Variants in RBMS3 observed in about 807,000 individuals in gnomAD.
RBMS3 encodes RNA binding motif single stranded interacting protein 3.
Under a neutral mutation model 66.8 loss-of-function variants are expected in RBMS3, and 27 were observed. That is an observed-to-expected ratio of 0.40 (90% CI 0.30 to 0.56). The LOEUF (loss-of-function observed/expected upper bound fraction) is 0.56. Ranked by LOEUF, RBMS3 falls within the 20% of genes least tolerant of loss-of-function variation. The probability of loss-of-function intolerance (pLI) is 0.40; values close to 1 mark genes in which losing one functional copy is unlikely to be tolerated. For synonymous variants in RBMS3, 188 were observed against 183.0 expected (o/e 1.03, Z -0.22); for missense variants, 513 against 549.5 (o/e 0.93, Z 0.66).
intron 6 of RBMS3, among the ~76,000 whole-genome samples, chr3:29,818,851 A>G (rs551787231): frequency 3.6e-4 from 55 of 152,272 alleles, no homozygotes; most frequent in African/African-American, 1.3e-3. Context: ...TCAGTAATTC[A>G]ATGAAAGTTA....
intron 4 of RBMS3, among the ~76,000 whole-genome samples, chr3:29,657,384 T>C (rs1424668173): frequency 6.6e-6 from 1 of 152,204 alleles, no homozygotes; most frequent in Non-Finnish European, 1.5e-5. Flanking sequence ...TTAACCTTTC[T>C]GTTTTCTCCA....
At chr3:29,562,730 A>G (rs1232509733) in intron 3 of RBMS3, among the ~76,000 whole-genome samples, 2 of 152,124 alleles carry the variant, frequency 1.3e-5, no homozygotes, top group South Asian at 2.1e-4. Context: ...CCTTCTCCAT[A>G]GATTGCTCCT....
intron 1 of RBMS3, among the ~76,000 whole-genome samples, chr3:29,347,573 A>C (rs537221727): frequency 6.6e-6 from 1 of 152,290 alleles, no homozygotes; most frequent in East Asian, 1.9e-4. Flanking sequence ...GAAGAATGGC[A>C]TTTTGACAAA....
chr3:29,396,420 A>G (rs1018233434), intron 1 of RBMS3, among the ~76,000 whole-genome samples: 8 of 152,200 alleles, frequency 5.3e-5, no homozygotes, highest in African/African-American at 1.7e-4. Context: ...TATTATTATT[A>G]TGGGGTTAAA....
At chr3:29,720,104 C>CTGCTAG (rs148349095) in intron 4 of RBMS3, among the ~76,000 whole-genome samples, 7 of 151,714 alleles carry the variant, frequency 4.6e-5, no homozygotes, top group African/African-American at 1.7e-4. Context: ...ATGCCATTAC[C>CTGCTAG]CGCTAGCTCC....
At chr3:29,690,069 C>T (rs898776343) in intron 4 of RBMS3, among the ~76,000 whole-genome samples, 4 of 149,498 alleles carry the variant, frequency 2.7e-5, no homozygotes, top group African/African-American at 9.8e-5. Context: ...GGAAAGTATA[C>T]ATTTTATTAA....
intron 4 of RBMS3, among the ~76,000 whole-genome samples, chr3:29,601,440 G>A (rs2149117391): frequency 6.6e-6 from 1 of 152,008 alleles, no homozygotes; most frequent in East Asian, 1.9e-4. Context: ...TACTTATAAA[G>A]GTTTGAAACT....
intron 4 of RBMS3, among the ~76,000 whole-genome samples, chr3:29,733,647 G>T (rs944119730): frequency 4.6e-5 from 7 of 151,932 alleles, no homozygotes; most frequent in Admixed American, 6.6e-5. Flanking sequence ...TCATATATCT[G>T]TTGGCCATTA....
At chr3:29,637,779 A>T (rs1316379844) in intron 4 of RBMS3, among the ~76,000 whole-genome samples, 1 of 151,922 alleles carries the variant, frequency 6.6e-6, no homozygotes, top group Non-Finnish European at 1.5e-5. Flanking sequence ...TAGTGCCCAT[A>T]ACAACATGGG....
At chr3:29,862,973 G>T (rs888791698) in intron 6 of RBMS3, among the ~76,000 whole-genome samples, 3 of 152,004 alleles carry the variant, frequency 2.0e-5, no homozygotes, top group African/African-American at 7.2e-5. Flanking sequence ...AAAGAATTTG[G>T]ATTTTATCTT....
chr3:29,745,973 C>A (rs936176215), intron 5 of RBMS3, among the ~76,000 whole-genome samples: 1 of 150,838 alleles, frequency 6.6e-6, no homozygotes, highest in Admixed American at 6.6e-5. Context: ...AATAGCAGGT[C>A]TTTTTTGTGT....
intron 11 of RBMS3, among the ~76,000 whole-genome samples, chr3:29,939,965 C>G (rs2061351382): frequency 6.6e-6 from 1 of 151,820 alleles, no homozygotes; most frequent in Admixed American, 6.6e-5. Flanking sequence ...ACCTGTTCCT[C>G]TTGTGTGTTT....
chr3:29,396,856 T>C (rs2039573318), intron 1 of RBMS3, among the ~76,000 whole-genome samples: 1 of 152,204 alleles, frequency 6.6e-6, no homozygotes, highest in Non-Finnish European at 1.5e-5. Flanking sequence ...TTATTTTCTT[T>C]AGTAAATACC....
At chr3:29,590,904 A>G (rs955818392) in intron 4 of RBMS3, among the ~76,000 whole-genome samples, 8 of 152,148 alleles carry the variant, frequency 5.3e-5, no homozygotes, top group African/African-American at 1.9e-4. Context: ...GATGGCTTCT[A>G]AAGTTCCAGC....
intron 10 of RBMS3, among the ~76,000 whole-genome samples, chr3:29,921,157 G>A (rs1480913960): frequency 6.6e-6 from 1 of 152,048 alleles, no homozygotes; most frequent in East Asian, 1.9e-4. Flanking sequence ...CTCCCTCCCA[G>A]GTTCAAGTGA....
At chr3:29,799,241 C>G (rs2057313233) in intron 6 of RBMS3, among the ~76,000 whole-genome samples, 1 of 152,218 alleles carries the variant, frequency 6.6e-6, no homozygotes, top group Non-Finnish European at 1.5e-5. Context: ...AATCCTCTAT[C>G]TTCCTCCACC....
intron 1 of RBMS3, among the ~76,000 whole-genome samples, chr3:29,410,673 G>A (rs1275491547): frequency 6.6e-6 from 1 of 152,154 alleles, no homozygotes; most frequent in Non-Finnish European, 1.5e-5. Flanking sequence ...GGGTGGTGAA[G>A]GTTTTTAAAT....
chr3:29,719,902 T>G (rs2053569485), intron 4 of RBMS3, among the ~76,000 whole-genome samples: 1 of 152,090 alleles, frequency 6.6e-6, no homozygotes, highest in East Asian at 1.9e-4. Flanking sequence ...TCGGCTCCAT[T>G]TATTGGCCCT....
intron 3 of RBMS3, among the ~76,000 whole-genome samples, chr3:29,575,335 G>A (rs2047083136): frequency 6.6e-6 from 1 of 151,438 alleles, no homozygotes; most frequent in South Asian, 2.1e-4. Context: ...CTCTCTCCTG[G>A]CCTGTAAGGT....
Sources: gnomAD v4.1 joint callset for allele counts (sites outside exome capture counted in the v4.1 genomes callset) on GRCh38, gnomAD v4.1.1 for gene constraint, MANE v1.5 for transcripts, NCBI Gene and HGNC (gene_info 2026-07-23, HGNC 2026-07-21) for gene names.